Variants in LIPA observed in about 807,000 individuals in gnomAD.
LIPA encodes lysosomal acid lipase/cholesteryl ester hydrolase.
Under a neutral mutation model 40.6 loss-of-function variants are expected in LIPA, and 26 were observed. That is an observed-to-expected ratio of 0.64 (90% CI 0.47 to 0.89). The LOEUF (loss-of-function observed/expected upper bound fraction) is 0.89, where lower values mean the gene tolerates loss of function less well. LIPA is among the 40% of genes least tolerant of loss of function. The pLI is 0.00. For synonymous variants in LIPA, 188 were observed against 168.4 expected (o/e 1.12, Z -0.90); for missense variants, 455 against 479.6 (o/e 0.95, Z 0.48).
chr10:89,261,626 A>G (rs1375507212), intron 1 of LIPA, among the ~76,000 whole-genome samples: 1 of 152,226 alleles, frequency 6.6e-6, no homozygotes, highest in Admixed American at 6.5e-5. Context: ...TACAAGATGA[A>G]ATAAATGTCT....
At chr10:89,257,784 G>T (rs2133484777) in intron 1 of LIPA, among the ~76,000 whole-genome samples, 1 of 152,356 alleles carries the variant, frequency 6.6e-6, no homozygotes, top group South Asian at 2.1e-4. Context: ...AGGCAGCAGA[G>T]TTGCAGGGCA....
intron 3 of LIPA, among the ~76,000 whole-genome samples, chr10:89,239,715 G>A (rs916634461): frequency 3.3e-5 from 5 of 152,194 alleles, no homozygotes; most frequent in Admixed American, 6.5e-5. Context: ...ACTGCAGAAC[G>A]TTCCAGGACA....
chr10:89,229,156 A>G (rs1047966148), intron 3 of LIPA, among the ~76,000 whole-genome samples: 4 of 152,210 alleles, frequency 2.6e-5, no homozygotes, highest in African/African-American at 9.6e-5. Flanking sequence ...CATCCAGACA[A>G]TGGAGTATTA....
At chr10:89,383,202 G>C in intron 2 of LIPA, 1 of 894,716 alleles carries the variant, frequency 1.1e-6, no homozygotes, top group East Asian at 2.6e-5. Flanking sequence ...AGGGGCACCA[G>C]ATAATGGAGG....
At chr10:89,334,184 A>ATC (rs1564789267) in intron 1 of LIPA, among the ~76,000 whole-genome samples, 1 of 152,214 alleles carries the variant, frequency 6.6e-6, no homozygotes, top group Non-Finnish European at 1.5e-5. Flanking sequence ...GAGATGTGGT[A>ATC]TCTACCCTGG....
rs1439362014 is a variant in LIPA, at chr10:89,257,357, T to C, written c.-1-9708A>G. Among the ~76,000 whole-genome samples, 3 of 152,188 alleles carry C rather than the reference T, an allele frequency of 2.0e-5. No homozygotes were observed. The East Asian group carries it at 5.8e-4, about 29-fold the overall frequency. On this transcript the variant is annotated intron_variant, in intron 1 of 5. Coordinates refer to the LIPA transcript ENST00000282673. ...AAGTTTTATAGAAAACAGGAGGTAG[T>C]AGTGGTGTGTGTGTGTGTGTGCATA...
intron 1 of LIPA, among the ~76,000 whole-genome samples, chr10:89,267,380 T>C (rs1238731208): frequency 1.3e-5 from 2 of 152,016 alleles, no homozygotes; most frequent in Non-Finnish European, 2.9e-5. Context: ...GAAAGGAAAA[T>C]TATTCCTTAG....
chr10:89,216,661 G>C (rs140690278), intron 8 of LIPA, among the ~76,000 whole-genome samples: 21 of 152,216 alleles, frequency 1.4e-4, no homozygotes, highest in African/African-American at 3.9e-4. Flanking sequence ...GTAATCTAGA[G>C]ATGATTTAAA....
chr10:89,405,896 G>GC (rs1277082614), intron 2 of LIPA: 4 of 152,084 alleles, frequency 2.6e-5, no homozygotes, highest in East Asian at 1.9e-4. Context: ...TACGATTGCG[G>GC]GGGGGGCATT....
chr10:89,220,902 A>G (rs1224904940), intron 8 of LIPA, among the ~76,000 whole-genome samples: 1 of 152,222 alleles, frequency 6.6e-6, no homozygotes, highest in African/African-American at 2.4e-5. Context: ...GGAATGAACT[A>G]CTGACATACA....
chr10:89,245,623 T>G, intron 3 of LIPA, 53 bp downstream of exon 3: 5 of 915,124 alleles, frequency 5.5e-6, no homozygotes, highest in Non-Finnish European at 9.2e-6. Flanking sequence ...ACTTGGTTAC[T>G]AACACAAAAC....
chr10:89,357,937 T>G (rs1003934828), intron 2 of LIPA, among the ~76,000 whole-genome samples: 1 of 152,222 alleles, frequency 6.6e-6, no homozygotes, highest in African/African-American at 2.4e-5. Context: ...TGTTTGGTTT[T>G]GTGCTGGTAA....
chr10:89,303,609 A>G (rs1843459644), intron 1 of LIPA, among the ~76,000 whole-genome samples: 1 of 152,222 alleles, frequency 6.6e-6, no homozygotes, highest in Non-Finnish European at 1.5e-5. Flanking sequence ...TGCCTTTTAA[A>G]TGGCTGCTCA....
intron 1 of LIPA, among the ~76,000 whole-genome samples, chr10:89,289,916 CT>C (rs1843363252): frequency 6.6e-6 from 1 of 151,070 alleles, no homozygotes; most frequent in South Asian, 2.1e-4. Context: ...TCTAATCCTT[CT>C]TTAACAAACA....
intron 2 of LIPA, chr10:89,402,584 G>C: frequency 6.2e-7 from 1 of 1,614,218 alleles, no homozygotes; most frequent in Non-Finnish European, 8.5e-7. Context: ...ACTTTGCCTG[G>C]ATGTATTACC....
intron 2 of LIPA, among the ~76,000 whole-genome samples, chr10:89,359,382 T>G (rs979030655): frequency 6.6e-6 from 1 of 152,228 alleles, no homozygotes; most frequent in Non-Finnish European, 1.5e-5. Context: ...GAATAGGATA[T>G]TGGTGAGAGA....
At chr10:89,282,972 A>G (rs1843323990) in intron 1 of LIPA, among the ~76,000 whole-genome samples, 1 of 152,234 alleles carries the variant, frequency 6.6e-6, no homozygotes, top group Non-Finnish European at 1.5e-5. Flanking sequence ...CATATTTCAC[A>G]TGAGTGTAAA....
intron 1 of LIPA, among the ~76,000 whole-genome samples, chr10:89,320,100 C>T (rs1335848217): frequency 6.6e-6 from 1 of 152,184 alleles, no homozygotes; most frequent in Non-Finnish European, 1.5e-5. Context: ...GACAAACCCA[C>T]AGCCAATATC....
intron 3 of LIPA, among the ~76,000 whole-genome samples, chr10:89,241,307 C>CCAATGCGCCATCAGAGTGCTA: frequency 6.6e-6 from 1 of 152,266 alleles, no homozygotes; most frequent in South Asian, 2.1e-4. Flanking sequence ...AATCCCCTAC[C>CCAATGCGCCATCAGAGTGCTA]CAATGCGCCA....
Sources: allele counts gnomAD v4.1 joint callset (sites outside exome capture counted in the v4.1 genomes callset), GRCh38; gene constraint gnomAD v4.1.1; transcripts MANE v1.5; gene names NCBI Gene and HGNC (gene_info 2026-07-23, HGNC 2026-07-21).